THSD4: variants seen among roughly 807,000 people sequenced by gnomAD.
THSD4 encodes thrombospondin type 1 domain containing 4.
Under a neutral mutation model 119.0 loss-of-function variants are expected in THSD4, and 69 were observed. That is an observed-to-expected ratio of 0.58 (90% confidence interval 0.48 to 0.71). The LOEUF (loss-of-function observed/expected upper bound fraction) is 0.71, where lower values mean the gene tolerates loss of function less well. Among genes scored for constraint, THSD4 ranks in the 30% least tolerant of loss-of-function variants. The probability of loss-of-function intolerance (pLI) is 0.00; values close to 1 mark genes in which losing one functional copy is unlikely to be tolerated. For synonymous variants in THSD4, 524 were observed against 540.4 expected (o/e 0.97, Z 0.42); for missense variants, 1,393 against 1,391.1 (o/e 1.00, Z -0.02).
At chr15:71,540,605 T>C (rs1293093793) in intron 7 of THSD4, among the ~76,000 whole-genome samples, 2 of 134,398 alleles carry the variant, frequency 1.5e-5, no homozygotes, top group Non-Finnish European at 3.1e-5. Context: ...ATTTTTGTAT[T>C]TTTAGTAGAG....
At chr15:71,599,463 C>T (rs2049967119) in intron 7 of THSD4, among the ~76,000 whole-genome samples, 1 of 152,184 alleles carries the variant, frequency 6.6e-6, no homozygotes, top group African/African-American at 2.4e-5. Flanking sequence ...TTTCTCTTCA[C>T]TCCTAGATTT....
chr15:71,204,580 A>G (rs1446190774), intron 3 of THSD4, among the ~76,000 whole-genome samples: 1 of 152,114 alleles, frequency 6.6e-6, no homozygotes, highest in Non-Finnish European at 1.5e-5. Context: ...CAGTTTACTG[A>G]TATGGAAACT....
chr15:71,194,891 T>C (rs923626249), intron 3 of THSD4, among the ~76,000 whole-genome samples: 1 of 152,048 alleles, frequency 6.6e-6, no homozygotes, highest in Non-Finnish European at 1.5e-5. Context: ...GGAATTCCAG[T>C]TGGAGAAGCT....
At chr15:71,300,421 C>T (rs115572746) in intron 6 of THSD4, among the ~76,000 whole-genome samples, 4,602 of 152,166 alleles carry the variant, frequency 0.03, 239 homozygotes, top group African/African-American at 0.11. Context: ...GTTTTCTTAA[C>T]GTTCAGGGGC....
At chr15:71,275,427 G>A (rs1329913468) in intron 6 of THSD4, among the ~76,000 whole-genome samples, 1 of 152,244 alleles carries the variant, frequency 6.6e-6, no homozygotes, top group Non-Finnish European at 1.5e-5. Flanking sequence ...GACATGTCCT[G>A]AAGGAGTGGT....
At chr15:71,654,190 T>A (rs950633782) in intron 7 of THSD4, among the ~76,000 whole-genome samples, 3 of 152,214 alleles carry the variant, frequency 2.0e-5, no homozygotes, top group Non-Finnish European at 4.4e-5. Context: ...TTTGGCCTAC[T>A]AGCTACAGTT....
At chr15:71,592,531 C>G (rs772277340) in intron 7 of THSD4, among the ~76,000 whole-genome samples, 2 of 152,192 alleles carry the variant, frequency 1.3e-5, no homozygotes, top group South Asian at 4.2e-4. Context: ...GGGTTCTGGT[C>G]TCCAGAAAAA....
chr15:71,384,667 G>C (rs2046273528), intron 6 of THSD4, among the ~76,000 whole-genome samples: 2 of 152,110 alleles, frequency 1.3e-5, no homozygotes, highest in South Asian at 4.1e-4. Flanking sequence ...ACATCAATAG[G>C]CTTCCCGGGT....
chr15:71,222,004 A>G (rs956481432), intron 4 of THSD4, among the ~76,000 whole-genome samples: 3 of 152,124 alleles, frequency 2.0e-5, no homozygotes, highest in African/African-American at 7.2e-5. Context: ...AGTGATGTTG[A>G]ACATTTTTTT....
At chr15:71,200,639 T>G (rs1214693057) in intron 3 of THSD4, among the ~76,000 whole-genome samples, 1 of 152,226 alleles carries the variant, frequency 6.6e-6, no homozygotes, top group Non-Finnish European at 1.5e-5. Context: ...GGTTTTATAC[T>G]TGCAGTAACC....
intron 1 of THSD4, among the ~76,000 whole-genome samples, chr15:71,136,070 C>T (rs901893171): frequency 2.7e-5 from 4 of 147,796 alleles, no homozygotes; most frequent in Admixed American, 2.0e-4. Flanking sequence ...CCCCAAACCC[C>T]GTTACTTATC....
intron 8 of THSD4, among the ~76,000 whole-genome samples, chr15:71,718,148 C>CAA (rs55879700): frequency 8.9e-5 from 11 of 123,180 alleles, no homozygotes; most frequent in African/African-American, 2.7e-4. Flanking sequence ...GACCCTGTCT[C>CAA]AAAAAAAAAA....
chr15:71,353,990 C>G (rs950082038), intron 6 of THSD4, among the ~76,000 whole-genome samples: 3 of 152,194 alleles, frequency 2.0e-5, no homozygotes, highest in Non-Finnish European at 2.9e-5. Context: ...CATCAGAATT[C>G]CAGGGGCTGT....
At position 71,197,459 on chromosome 15, in the gene THSD4, A is replaced by G. The variant is rs940226705; in HGVS notation, c.100-17576A>G. Among the ~76,000 whole-genome samples the G allele has an allele frequency of 4.6e-5, 7 of 152,152 alleles. 1 individual carries two copies. Among genetic ancestry groups the G allele is most frequent in the Non-Finnish European group, 7.3e-5 (5 of 68,030 alleles). ...CTCCTGTTTCTAGAACTCATGCCTT[A>G]AATGTGTTTTGAAGCCCAGATGTTC... On this transcript the variant is annotated intron_variant, in intron 3 of 17. Transcript: ENST00000261862.
chr15:71,098,087 G>A (rs1233165092), intron 1 of THSD4, among the ~76,000 whole-genome samples: 2 of 151,718 alleles, frequency 1.3e-5, no homozygotes, highest in Non-Finnish European at 2.9e-5. Context: ...AGCACACTGT[G>A]TCCCAAGGCA....
chr15:71,758,169 G>A (rs924556), intron 15 of THSD4, 94 bp downstream of exon 15: 115,283 of 1,408,484 alleles, frequency 0.082, 10,893 homozygotes, highest in African/African-American at 0.44. Flanking sequence ...AGGTGTCCCA[G>A]CTTTGAATCC....
chr15:71,322,243 A>T (rs938820213), intron 6 of THSD4, among the ~76,000 whole-genome samples: 12 of 152,080 alleles, frequency 7.9e-5, no homozygotes, highest in Non-Finnish European at 4.4e-5. Context: ...GATTTCCATG[A>T]GTTGAAGAGT....
chr15:71,242,841 C>G lies in THSD4; in HGVS notation c.657C>G (p.Pro219=). 6.2e-7 allele frequency: 1 copy of G among 1,614,234 alleles called. No individual in the cohort carries two copies. The highest frequency in any genetic ancestry group is 8.5e-7 in the Non-Finnish European group (1 of 1,180,050). Reference sequence around the variant, plus strand: ...ACAGTTCACCAGCCCACCAGGTCCCCCAACATGGGCCTTTGTACCAAAGTG... The same window carrying G: ...ACAGTTCACCAGCCCACCAGGTCCCGCAACATGGGCCTTTGTACCAAAGTG... ...HGYSSPAHQV[P]QHGPLYQSDS... is the part of the protein sequence containing the mutation. Residue 219 remains proline (P), a synonymous_variant, in exon 5 of 18, where the codon CCC becomes CCG. Transcript: ENST00000261862.
chr15:71,098,596 G>C (rs2040241721), intron 1 of THSD4, among the ~76,000 whole-genome samples: 1 of 151,968 alleles, frequency 6.6e-6, no homozygotes, highest in Non-Finnish European at 1.5e-5. Context: ...TTATGAACTA[G>C]ATCATCATTG....
Sources: gnomAD v4.1 joint callset for allele counts (sites outside exome capture counted in the v4.1 genomes callset) on GRCh38, gnomAD v4.1.1 for gene constraint, MANE v1.5 for transcripts, NCBI Gene and HGNC (gene_info 2026-07-23, HGNC 2026-07-21) for gene names.